Variants in TG observed in about 807,000 individuals in gnomAD.
The protein encoded by TG is thyroid hormones.
Under a neutral mutation model 324.7 loss-of-function variants are expected in TG, and 270 were observed. That is an observed-to-expected ratio of 0.83 (90% CI 0.75 to 0.92). TG has a LOEUF of 0.92. TG is among the 40% of genes least tolerant of loss of function. TG has a pLI of 0.00. For missense variants in TG, 3,591 were observed against 3,456.4 expected (o/e 1.04, Z -0.98); for synonymous variants, 1,401 against 1,327.0 (o/e 1.06, Z -1.21).
chr8:133,114,760 T>A (rs1012725025), intron 44 of TG, among the ~76,000 whole-genome samples: 2 of 152,272 alleles, frequency 1.3e-5, no homozygotes, highest in African/African-American at 4.8e-5. Context: ...ACAGAGCCAA[T>A]GTCAAGGCTC....
At chr8:132,912,722 G>A (rs1178669223) in intron 19 of TG, among the ~76,000 whole-genome samples, 8 of 152,182 alleles carry the variant, frequency 5.3e-5, no homozygotes, top group Admixed American at 5.2e-4. Context: ...GGTTGAGGTG[G>A]ATGAGTATCT....
At position 132,948,908 on chromosome 8, in the gene TG, T is replaced by C. The variant is rs764630001; in HGVS notation, c.5366T>C (p.Val1789Ala). Residue 1789 changes from valine to alanine, a missense_variant, in exon 27 of 48, where the codon GTG becomes GCG. Coordinates refer to ENST00000220616, the MANE Select transcript of TG (RefSeq NM_003235.5). ...ACATATGACCAGGAGAGCCACCAGGTGATATTGCGTCTTGGAGACCAGGAG... is the reference window on the plus strand; with the variant it reads ...ACATATGACCAGGAGAGCCACCAGGCGATATTGCGTCTTGGAGACCAGGAG... ...GVTYDQESHQ[V>A]ILRLGDQEFI... 9.9e-6 allele frequency: 16 copies of C among 1,613,938 alleles called. No individual in the cohort carries two copies. The highest frequency in any genetic ancestry group is 1.6e-4 in the Middle Eastern group (1 of 6,062).
chr8:133,015,237 T>C (rs1241827108), intron 37 of TG, among the ~76,000 whole-genome samples: 1 of 152,194 alleles, frequency 6.6e-6, no homozygotes. Context: ...TTGAGTTCTG[T>C]AAAACACAAA....
At chr8:133,115,229 C>T (rs534593118) in intron 44 of TG, among the ~76,000 whole-genome samples, 2 of 152,252 alleles carry the variant, frequency 1.3e-5, no homozygotes, top group South Asian at 4.1e-4. Context: ...CAAGGGAGGC[C>T]TCACTCAGAA....
intron 42 of TG, 37 bp downstream of exon 42, chr8:133,095,245 C>T (rs774220283): frequency 1.9e-6 from 3 of 1,613,876 alleles, no homozygotes; most frequent in East Asian, 2.2e-5. Context: ...GGGACATTCT[C>T]TGGTCTTTTA....
At chr8:132,992,464 T>C (rs1832459094) in intron 35 of TG, among the ~76,000 whole-genome samples, 1 of 152,176 alleles carries the variant, frequency 6.6e-6, no homozygotes, top group Non-Finnish European at 1.5e-5. Context: ...TTGAAAGTAA[T>C]GGGAAAATTG....
intron 34 of TG, among the ~76,000 whole-genome samples, chr8:132,982,716 T>G (rs891772220): frequency 6.6e-5 from 10 of 152,152 alleles, no homozygotes; most frequent in African/African-American, 9.7e-5. Context: ...CTCCTGTAAT[T>G]TTGTCATAAT....
chr8:132,977,200 C>T lies in TG; in HGVS notation c.6199+4459C>T, dbSNP rs903695504. 9.9e-5 allele frequency among the ~76,000 whole-genome samples: 15 copies of T among 152,132 alleles called. 1 individual carries two copies. Among genetic ancestry groups the T allele is most frequent in the African/African-American group, 3.6e-4 (15 of 41,436 alleles). ...TAGCTTTGTATTAGGTAATTGCATA[C>T]ATAATAGTAGGAAGTAGCCTCTATG... On this transcript the variant is annotated intron_variant, in intron 34 of 47. Transcript: ENST00000220616.
At chr8:133,103,546 A>G (rs529962534) in intron 43 of TG, among the ~76,000 whole-genome samples, 52 of 152,360 alleles carry the variant, frequency 3.4e-4, no homozygotes, top group African/African-American at 1.2e-3. Flanking sequence ...CTGCATTGTT[A>G]TAAGGATGAA....
Position 133,050,509 on chromosome 8 carries a change from A to G in TG, c.7239+20486A>G, listed in dbSNP as rs544165126. ...CTGCCTTCCCGGTCTTCATTCCTAC[A>G]TAACATCAACACTGCACATGTGGTG... On this transcript the variant is annotated intron_variant, in intron 41 of 47. Coordinates refer to ENST00000220616, the MANE Select transcript of TG (RefSeq NM_003235.5). The G allele has an allele frequency of 1.6e-5, 5 of 304,124 alleles. No homozygotes were observed. In the South Asian group the frequency reaches 2.7e-4, roughly 17 times the overall value. The allele number at this position is 304,124 out of a possible 1,614,324, so 18.8% of individuals were successfully genotyped here. A position where few individuals can be genotyped will look rare whatever the true frequency, so the allele number is the denominator to read the frequency against.
At chr8:133,116,471 G>A (rs1405260590) in intron 44 of TG, 138 bp from the exon 45 acceptor site, 4 of 727,416 alleles carry the variant, frequency 5.5e-6, no homozygotes, top group Non-Finnish European at 9.9e-6. Flanking sequence ...CTGGGGAATG[G>A]GAAGAAGGTG....
chr8:132,886,263 T>C (rs185486032), intron 8 of TG, among the ~76,000 whole-genome samples, 185 bp from the exon 9 acceptor site: 1 of 152,220 alleles, frequency 6.6e-6, no homozygotes, highest in Admixed American at 6.5e-5. Flanking sequence ...ACTTCCAAAA[T>C]GGCCCCACAA....
intron 45 of TG, among the ~76,000 whole-genome samples, chr8:133,130,852 C>G (rs533006650): frequency 6.6e-6 from 1 of 151,704 alleles, no homozygotes; most frequent in African/African-American, 2.4e-5. Flanking sequence ...GGCTGTTGAA[C>G]CTTTCATCCC....
At chr8:133,019,508 C>A in intron 38 of TG, 94 bp from the exon 39 acceptor site, 1 of 1,052,430 alleles carries the variant, frequency 9.5e-7, no homozygotes, top group Non-Finnish European at 1.5e-6. Context: ...GGATGCCAGG[C>A]TTTGGAATGG....
rs1179407004 is a variant in TG at position 133,017,792 on chromosome 8, A to AGCTATGAG, written c.6580_6587dup (p.Ser2197MetfsTer56). 6.2e-7 allele frequency: 1 copy of AGCTATGAG among 1,614,046 alleles called. No individual in the cohort carries two copies. The highest frequency in any genetic ancestry group is 1.3e-5 in the African/African-American group (1 of 74,920). On this transcript the variant is annotated frameshift_variant, in exon 38 of 48. Transcript: ENST00000220616. LOFTEE classifies it high-confidence loss of function. ...TTTCCCAACAGGAATCTCTCTGCTC[A>AGCTATGAG]GCTATGAGGCATCTGTACCTTCTGT...
intron 22 of TG, 39 bp from the exon 23 acceptor site, chr8:132,929,037 C>A (rs1291208506): frequency 6.4e-7 from 1 of 1,553,958 alleles, no homozygotes; most frequent in South Asian, 1.1e-5. Context: ...TGCCCTACAC[C>A]CTTCTGAGTC....
intron 43 of TG, among the ~76,000 whole-genome samples, chr8:133,108,101 C>A (rs112314410): frequency 0.035 from 5,266 of 151,402 alleles, 302 homozygotes; most frequent in African/African-American, 0.12. Context: ...CCTACCTCAG[C>A]CTCCCAAGTA....
chr8:132,948,959 TTG>T lies in TG; in HGVS notation c.5401+18_5401+19del. 6 of 1,611,538 alleles carry T rather than the reference TTG, an allele frequency of 3.7e-6. No homozygotes were observed. The highest frequency in any genetic ancestry group is 5.1e-6 in the Non-Finnish European group (6 of 1,179,776). ...TTCATCAAGAGTAAGTCTTTGCCAT[TTG>T]TCCATATTCTTTCAAAATTACTCTT... On this transcript the variant is annotated intron_variant, in intron 27 of 47. Coordinates refer to ENST00000220616, the MANE Select transcript of TG (RefSeq NM_003235.5).
chr8:132,987,579 AC>A (rs1224910107), intron 35 of TG, among the ~76,000 whole-genome samples: 1 of 152,220 alleles, frequency 6.6e-6, no homozygotes, highest in Admixed American at 6.5e-5. Flanking sequence ...ATTTGAACCC[AC>A]ATCTGTATGG....
Sources: allele counts gnomAD v4.1 joint callset (sites outside exome capture counted in the v4.1 genomes callset), GRCh38; gene constraint gnomAD v4.1.1; transcripts MANE v1.5; gene names NCBI Gene and HGNC (gene_info 2026-07-23, HGNC 2026-07-21).